The following BCCIP variants were observed in gnomAD, a reference collection of about 807,000 sequenced individuals.
BCCIP encodes the protein BRCA2 and CDKN1A-interacting protein.
Under a neutral mutation model 32.8 loss-of-function variants are expected in BCCIP, and 23 were observed. The ratio of observed to expected loss-of-function variants is 0.70; its 90% CI spans 0.51 to 0.99. BCCIP has a LOEUF of 0.99. BCCIP is among the 50% of genes least tolerant of loss of function. BCCIP has a pLI of 0.00. For missense variants in BCCIP, 378 were observed against 379.8 expected (o/e 1.00, Z 0.04); for synonymous variants, 144 against 137.6 (o/e 1.05, Z -0.33).
Position 125,823,681 on chromosome 10 carries a change from A to G in BCCIP, c.124A>G (p.Ser42Gly). The part of the protein sequence containing the change: ...VENEDEDDDD[S>G]DKEKDEEDEV... Reference sequence around the variant, plus strand: ...AAATGAGGATGAAGACGATGATGACAGTGACAAGGAAAAGGATGAAGAGGA... The same window carrying G: ...AAATGAGGATGAAGACGATGATGACGGTGACAAGGAAAAGGATGAAGAGGA... Residue 42 changes from serine to glycine, a missense_variant, in exon 1 of 7, where the codon AGT becomes GGT. By Grantham distance (56) the Ser-to-Gly change is moderately conservative. Coordinates refer to ENST00000278100, the MANE Select transcript of BCCIP (RefSeq NM_078468.3). 1 of 1,614,146 alleles carries G rather than the reference A, an allele frequency of 6.2e-7. No homozygotes were observed. The highest frequency in any genetic ancestry group is 1.3e-5 in the African/African-American group (1 of 75,050).
chr10:125,842,377 C>T (rs1854905695), exon 7 of BCCIP: 1 of 154,738 alleles, frequency 6.5e-6, no homozygotes, highest in African/African-American at 2.4e-5. Context: ...GGAACCACCT[C>T]AGGCCAGAGA....
At chr10:125,842,590 A>T (rs1854913046) in exon 7 of BCCIP, 1 of 152,940 alleles carries the variant, frequency 6.5e-6, no homozygotes, top group African/African-American at 2.4e-5. Context: ...TCCTAGGACA[A>T]AGCTCAAAAG....
At chr10:125,841,773 C>T in exon 7 of BCCIP, 1 of 1,611,434 alleles carries the variant, frequency 6.2e-7, no homozygotes, top group Non-Finnish European at 8.5e-7. Context: ...GTTAGCACTT[C>T]ATCTACACAG....
At chr10:125,823,771 T>G in intron 1 of BCCIP, 49 bp downstream of exon 1, 1 of 1,603,226 alleles carries the variant, frequency 6.2e-7, no homozygotes, top group Non-Finnish European at 8.5e-7. Flanking sequence ...GAAAAACTTT[T>G]TGGCAAGCCC....
downstream of BCCIP, among the ~76,000 whole-genome samples, chr10:125,839,341 A>G (rs1854803000): frequency 2.6e-5 from 4 of 152,238 alleles, no homozygotes; most frequent in Admixed American, 2.6e-4. Context: ...AAGGACAAGG[A>G]TTTCTGGTGG....
chr10:125,849,609 G>A (rs112162771), intron 7 of BCCIP, among the ~76,000 whole-genome samples: 2,232 of 152,256 alleles, frequency 0.015, 56 homozygotes, highest in African/African-American at 0.051. Context: ...TCGACTCTCT[G>A]GGCTGTTTGG....
At chr10:125,834,834 A>AAAAAC (rs1554894003) in intron 6 of BCCIP, among the ~76,000 whole-genome samples, 24 of 148,346 alleles carry the variant, frequency 1.6e-4, no homozygotes, top group Admixed American at 1.2e-3. Context: ...ACAAACAAAA[A>AAAAAC]ACACAAAAAC....
chr10:125,837,084 C>T (rs143391956), downstream of BCCIP, among the ~76,000 whole-genome samples: 311 of 152,296 alleles, frequency 2.0e-3, no homozygotes, highest in African/African-American at 7.1e-3. Context: ...AGTGTTATGC[C>T]ACACAGTGGA....
chr10:125,824,467 T>G (rs768655426), intron 1 of BCCIP, among the ~76,000 whole-genome samples: 6 of 152,248 alleles, frequency 3.9e-5, no homozygotes, highest in Non-Finnish European at 8.8e-5. Flanking sequence ...CCTCTCTTAA[T>G]CGTCACCATT....
chr10:125,833,863 A>G lies in BCCIP; in HGVS notation c.691A>G (p.Lys231Glu). The G allele has an allele frequency of 6.2e-7, 1 of 1,614,256 alleles. No homozygotes were observed. Among genetic ancestry groups the G allele is most frequent in the Non-Finnish European group, 8.5e-7 (1 of 1,180,042 alleles). ...TAGTAAGACATTTGTGGAAGCAGGA[A>G]AAAACAATTCCAAAAAGAAACCTAG... ...LISKTFVEAG[K>E]NNSKKKPSNK... Residue 231 changes from lysine to glutamate, a missense_variant, in exon 6 of 7, where the codon AAA becomes GAA. By Grantham distance (56) the Lys-to-Glu change is moderately conservative (BLOSUM62 1). Coordinates refer to ENST00000278100, the MANE Select transcript of BCCIP (RefSeq NM_078468.3).
chr10:125,838,787 G>A (rs1000479301), downstream of BCCIP, among the ~76,000 whole-genome samples: 2 of 152,216 alleles, frequency 1.3e-5, no homozygotes, highest in Non-Finnish European at 2.9e-5. Context: ...AATCCATAAT[G>A]ATATGTCATT....
chr10:125,835,655 T>C (rs1371759213), intron 6 of BCCIP, among the ~76,000 whole-genome samples: 1 of 151,358 alleles, frequency 6.6e-6, no homozygotes, highest in Non-Finnish European at 1.5e-5. Context: ...GGGGGGAGTG[T>C]GTATGGGTGT....
chr10:125,826,996 T>TAAAAAAAAAAAAAAAAAAA (rs374807277), intron 2 of BCCIP, among the ~76,000 whole-genome samples: 1 of 129,314 alleles, frequency 7.7e-6, no homozygotes, highest in Non-Finnish European at 1.6e-5. Flanking sequence ...CCTCTGTCTC[T>TAAAAAAAAAAAAAAAAAAA]AAAAAAAAAG....
chr10:125,837,271 T>C (rs1854721618), downstream of BCCIP, among the ~76,000 whole-genome samples: 1 of 152,228 alleles, frequency 6.6e-6, no homozygotes, highest in South Asian at 2.1e-4. Context: ...CAGACATCTA[T>C]GAGTCACTCT....
At position 125,823,613 on chromosome 10, in the gene BCCIP, A is replaced by AT; in HGVS notation, c.57dup (p.Pro20SerfsTer16). The AT allele has an allele frequency of 4.3e-6, 7 of 1,614,076 alleles. No homozygotes were observed. Among genetic ancestry groups the AT allele is most frequent in the East Asian group, 2.2e-5 (1 of 44,854 alleles). On this transcript the variant is annotated frameshift_variant, in exon 1 of 7. Coordinates refer to ENST00000278100, the MANE Select transcript of BCCIP (RefSeq NM_078468.3). LOFTEE classifies it high-confidence loss of function. ...GAAAGTGGGGTTCCGCAGCCGCCGG[A>AT]TCCCCCAGTCCAGCGCGACGAGGAA...
chr10:125,832,839 G>T (rs1165467572), intron 5 of BCCIP, among the ~76,000 whole-genome samples: 2 of 150,112 alleles, frequency 1.3e-5, no homozygotes, highest in African/African-American at 4.9e-5. Flanking sequence ...AAAAGGCCAG[G>T]TGTGGTGGCT....
chr10:125,849,498 A>T (rs954986043), intron 7 of BCCIP, among the ~76,000 whole-genome samples: 28 of 152,190 alleles, frequency 1.8e-4, no homozygotes, highest in Non-Finnish European at 3.5e-4. Flanking sequence ...ATCTGAGTAT[A>T]GTAGTAACTT....
intron 7 of BCCIP, among the ~76,000 whole-genome samples, chr10:125,847,911 C>T (rs964682158): frequency 2.6e-5 from 4 of 152,154 alleles, no homozygotes; most frequent in African/African-American, 9.7e-5. Flanking sequence ...GGAGGTGGAG[C>T]TCAGGCAGTA....
rs150579581 is a variant in BCCIP at position 125,830,725 on chromosome 10, A to G, written c.411+74A>G. The G allele has an allele frequency of 7.0e-4, 593 of 849,190 alleles. 4 individuals carry two copies. In the East Asian group the frequency reaches 0.011, roughly 15 times the overall value. 52.6% of individuals were successfully genotyped at this position (849,190 alleles called of 1,614,324 possible). On this transcript the variant is annotated intron_variant, in intron 4 of 6. Coordinates refer to ENST00000278100, the MANE Select transcript of BCCIP (RefSeq NM_078468.3). ...CACTTTTATTTAATGCATGGTGAAA[A>G]TGTCTTTTATGTTAAACAGTGATAT...
Sources: gnomAD v4.1 joint callset for allele counts (sites outside exome capture counted in the v4.1 genomes callset) on GRCh38, gnomAD v4.1.1 for gene constraint, MANE v1.5 for transcripts, NCBI Gene and HGNC (gene_info 2026-07-23, HGNC 2026-07-21) for gene names.